HEATR1: variants seen among roughly 807,000 people sequenced by gnomAD.
HEATR1 encodes the protein HEAT repeat containing 1.
HEATR1 carries 77 observed loss-of-function variants against 248.2 expected under a neutral mutation model. The ratio of observed to expected loss-of-function variants is 0.31; its 90% CI spans 0.26 to 0.37. HEATR1 has a LOEUF of 0.37. Among genes scored for constraint, HEATR1 ranks in the 10% least tolerant of loss-of-function variants. HEATR1 has a pLI of 1.00. For synonymous variants in HEATR1, 897 were observed against 923.1 expected (o/e 0.97, Z 0.51); for missense variants, 2,420 against 2,504.9 (o/e 0.97, Z 0.72).
intron 16 of HEATR1, 110 bp from the exon 17 acceptor site, chr1:236,585,326 CA>C (rs559786272): frequency 8.3e-4 from 692 of 830,228 alleles, no homozygotes; most frequent in Non-Finnish European, 1.1e-3. Flanking sequence ...AGTGAGATGA[CA>C]AACAGAAAGC....
At position 236,549,528 on chromosome 1, in the gene HEATR1, AT is replaced by A. The variant is rs200687606; in HGVS notation, c.*1373del. On this transcript the variant is annotated 3_prime_UTR_variant, in exon 45 of 45. Coordinates refer to ENST00000366582, the MANE Select transcript of HEATR1 (RefSeq NM_018072.6). The stretch of plus-strand genomic sequence containing the variant: ...TGAAAAGAATACCATTGTCAATCTT[AT>A]TTTTTTAAAAGTACTCAGTGTAGAA... The A allele has an allele frequency of 6.6e-6, 1 of 152,326 alleles. No individual in the cohort carries two copies. Among genetic ancestry groups the A allele is most frequent in the South Asian group, 2.1e-4 (1 of 4,816 alleles). The allele number at this position is 152,326 out of a possible 1,614,324, so 9.4% of individuals were successfully genotyped here. A position where few individuals can be genotyped will look rare whatever the true frequency, so the allele number is the denominator to read the frequency against.
chr1:236,558,166 G>A, intron 36 of HEATR1, 71 bp downstream of exon 36: 2 of 1,372,472 alleles, frequency 1.5e-6, no homozygotes, highest in South Asian at 1.5e-5. Context: ...AAAAAAAAAA[G>A]TCACCAAAGT....
In HEATR1 at chr1:236,585,888, T is replaced by C. The variant is rs1228473777; in HGVS notation, c.1981A>G (p.Asn661Asp). ...TKPGKLIGVA[N>D]QKMIELLADN... Reference sequence around the variant, plus strand: ...GCCAACAACTCAATCATCTTCTGATTTGCTACACCGATTAGTTTTCCTGGC... The same window carrying C: ...GCCAACAACTCAATCATCTTCTGATCTGCTACACCGATTAGTTTTCCTGGC... The change falls in exon 16 of 45, where the codon AAT (asparagine) becomes GAT (aspartate). Residue 661 changes from asparagine to aspartate, a missense_variant. Physicochemically the swap from Asn to Asp is conservative, Grantham distance 23. Coordinates refer to ENST00000366582, the MANE Select transcript of HEATR1 (RefSeq NM_018072.6). The C allele has an allele frequency of 1.2e-6, 2 of 1,613,074 alleles. No individual in the cohort carries two copies. Among genetic ancestry groups the C allele is most frequent in the African/African-American group, 1.3e-5 (1 of 74,912 alleles).
rs755699817 is a variant in HEATR1 at position 236,566,055 on chromosome 1, A to G, written c.4309-10T>C. On this transcript the variant is annotated splice_polypyrimidine_tract_variant and intron_variant, in intron 30 of 44. Transcript: ENST00000366582. ...CTTCTAAAATAGCATCCTGTGTAGA[A>G]AAAGAAAAAGGTAACAAATCTGTAC... 3.1e-6 allele frequency: 5 copies of G among 1,610,264 alleles called. No individual in the cohort carries two copies. Among genetic ancestry groups the G allele is most frequent in the Non-Finnish European group, 4.2e-6 (5 of 1,178,774 alleles).
At chr1:236,589,834 A>C (rs544761855) in intron 12 of HEATR1, among the ~76,000 whole-genome samples, 1 of 152,364 alleles carries the variant, frequency 6.6e-6, no homozygotes, top group East Asian at 1.9e-4. Flanking sequence ...AGTAAAATGC[A>C]TATACAATTA....
chr1:236,586,871 C>T (rs1322027796), intron 14 of HEATR1, among the ~76,000 whole-genome samples: 1 of 151,948 alleles, frequency 6.6e-6, no homozygotes, highest in Non-Finnish European at 1.5e-5. Flanking sequence ...CAAGCACATC[C>T]TACATGATAG....
chr1:236,574,144 T>C lies in HEATR1; in HGVS notation c.3459+58A>G, dbSNP rs1663503509. The C allele has an allele frequency of 2.8e-6, 4 of 1,444,212 alleles. No individual in the cohort carries two copies. The Admixed American group carries it at 7.2e-5, about 26-fold the overall frequency. 89.5% of individuals were successfully genotyped at this position (1,444,212 alleles called of 1,614,324 possible). A position where few individuals can be genotyped will look rare whatever the true frequency, so the allele number is the denominator to read the frequency against. ...AAATACAGGACTCTTAAACATGGTG[T>C]CCCTTGGAAGAGACTATAAACATTA... On this transcript the variant is annotated intron_variant, in intron 24 of 44. Transcript: ENST00000366582.
At chr1:236,562,202 T>A (rs1169766289) in intron 32 of HEATR1, among the ~76,000 whole-genome samples, 1 of 152,234 alleles carries the variant, frequency 6.6e-6, no homozygotes, top group African/African-American at 2.4e-5. Flanking sequence ...TCCTCTTCAG[T>A]GAATTCATAT....
rs1293738915 is a variant in HEATR1 at position 236,581,488 on chromosome 1, G to A, written c.2563-74C>T. The A allele has an allele frequency of 1.1e-5, 12 of 1,050,470 alleles. No individual in the cohort carries two copies. The Admixed American group carries it at 3.4e-4, about 29-fold the overall frequency. The allele number at this position is 1,050,470 out of a possible 1,614,324, so 65.1% of individuals were successfully genotyped here. ...CTGGTTCCAAATCCTCTTCTCACTA[G>A]TGTACAATTATAAAGAAACAAATAA... On this transcript the variant is annotated intron_variant, in intron 19 of 44. Transcript: ENST00000366582.
At chr1:236,573,127 A>G (rs1330478216) in intron 24 of HEATR1, among the ~76,000 whole-genome samples, 1 of 152,314 alleles carries the variant, frequency 6.6e-6, no homozygotes, top group East Asian at 1.9e-4. Flanking sequence ...TGCTTTCTAT[A>G]CAATTTGTCT....
rs1663029451 is a variant in HEATR1, at chr1:236,558,267, A to G, written c.5174T>C (p.Leu1725Pro). 6.2e-6 allele frequency: 10 copies of G among 1,613,604 alleles called. No homozygotes were observed. The highest frequency in any genetic ancestry group is 8.5e-6 in the Non-Finnish European group (10 of 1,179,822). Residue 1725 changes from leucine to proline, a missense_variant, in exon 36 of 45, where the codon CTG (leucine) becomes CCG (proline). Coordinates refer to ENST00000366582, the MANE Select transcript of HEATR1 (RefSeq NM_018072.6). ...LLCIAEVTST[L>P]EALAIPQLPS... ...AAGCTGGGGGATGGCCAGCGCCTCCAGGGTGGAGGTCACCTCTGCTATGCA... is the reference window on the plus strand; with the variant it reads ...AAGCTGGGGGATGGCCAGCGCCTCCGGGGTGGAGGTCACCTCTGCTATGCA...
intron 4 of HEATR1, 63 bp downstream of exon 4, chr1:236,599,420 C>T: frequency 3.6e-6 from 5 of 1,407,508 alleles, no homozygotes; most frequent in Admixed American, 2.3e-5. Flanking sequence ...TTATTTTTTC[C>T]TAATTAAATC....
chr1:236,550,874 A>C lies in HEATR1; in HGVS notation c.*28T>G, dbSNP rs1662698988. 1 of 1,519,714 alleles carries C rather than the reference A, an allele frequency of 6.6e-7. No individual in the cohort carries two copies. 94.1% of individuals were successfully genotyped at this position (1,519,714 alleles called of 1,614,324 possible). ...ATATGAAATATGAGTGTGAACTCTG[A>C]GTAGAGTATGAAACACCACAGAAAG... On this transcript the variant is annotated 3_prime_UTR_variant, in exon 45 of 45. Coordinates refer to ENST00000366582, the MANE Select transcript of HEATR1 (RefSeq NM_018072.6).
chr1:236,604,155 T>C (rs1322317032), intron 1 of HEATR1, 28 bp from the exon 2 acceptor site: 13 of 1,505,512 alleles, frequency 8.6e-6, no homozygotes, highest in Non-Finnish European at 1.1e-5. Flanking sequence ...CTTTGATAAG[T>C]TTCTACGAAA....
chr1:236,567,625 C>T (rs771624549), intron 29 of HEATR1, among the ~76,000 whole-genome samples: 4 of 152,206 alleles, frequency 2.6e-5, no homozygotes, highest in Non-Finnish European at 5.9e-5. Flanking sequence ...AGGAGAATCA[C>T]TTGAAACCAG....
chr1:236,566,792 G>A lies in HEATR1; in HGVS notation c.4162C>T (p.Pro1388Ser), dbSNP rs1239577278. Residue 1388 changes from proline to serine, a missense_variant, in exon 30 of 45, where the codon CCA (proline) becomes TCA (serine). Pro to Ser is a moderately conservative substitution (Grantham distance 74, BLOSUM62 -1). Transcript: ENST00000366582. ...KIISVFVDAL[P>S]HVPEHRRLPI... is the part of the protein sequence containing the mutation. ...AGGCGCCTGTGCTCCGGGACGTGTG[G>A]CAGCGCATCCACAAATACACTAATG... The A allele has an allele frequency of 6.2e-7, 1 of 1,614,098 alleles. No homozygotes were observed. Among genetic ancestry groups the A allele is most frequent in the South Asian group, 1.1e-5 (1 of 91,078 alleles).
rs1572041724 is a variant in HEATR1 at position 236,575,143 on chromosome 1, T to C, written c.3085-240A>G. On this transcript the variant is annotated intron_variant, in intron 22 of 44. Transcript: ENST00000366582. ...AACCCTTCAGAGATGAGCAGAAAGA[T>C]AATCTGTGAGCATTCCTCAAGACTT... Among the ~76,000 whole-genome samples the C allele has an allele frequency of 2.0e-5, 3 of 152,322 alleles. 1 individual carries two copies. In the Middle Eastern group the frequency reaches 0.01, roughly 518 times the overall value.
Position 236,558,459 on chromosome 1 carries a change from T to C in HEATR1, c.4982A>G (p.Glu1661Gly). 6.2e-7 allele frequency: 1 copy of C among 1,614,236 alleles called. No individual in the cohort carries two copies. Among genetic ancestry groups the C allele is most frequent in the Non-Finnish European group, 8.5e-7 (1 of 1,180,036 alleles). The change falls in exon 36 of 45, where the codon GAA (glutamate) becomes GGA (glycine). Residue 1661 changes from glutamate to glycine, a missense_variant. Glu to Gly is a moderately conservative substitution (Grantham distance 98). Transcript: ENST00000366582. ...IVQRKKKEGE[E>G]EQAINRQTAL... is the part of the protein sequence containing the mutation. ...TGTCTGTCTGTTGATTGCTTGTTCT[T>C]CTTCCCCTTCCTTTTTCTTACGCTG...
chr1:236,555,191 A>G, intron 41 of HEATR1, 105 bp downstream of exon 41: 1 of 1,194,438 alleles, frequency 8.4e-7, no homozygotes, highest in Non-Finnish European at 1.2e-6. Flanking sequence ...CTTAGGACTT[A>G]AGAACCTCTA....
Sources: allele counts gnomAD v4.1 joint callset (sites outside exome capture counted in the v4.1 genomes callset), GRCh38; gene constraint gnomAD v4.1.1; transcripts MANE v1.5; gene names NCBI Gene and HGNC (gene_info 2026-07-23, HGNC 2026-07-21).